SOX5: variants seen among roughly 807,000 people sequenced by gnomAD.
SOX5 encodes SRY-box transcription factor 5.
SOX5 carries 9 observed loss-of-function variants against 92.0 expected under a neutral mutation model. The observed-to-expected ratio is 0.10, with a 90% CI of 0.06 to 0.17. The LOEUF is 0.17. SOX5 is among the 10% of genes least tolerant of loss of function. The pLI is 1.00. For synonymous variants in SOX5, 344 were observed against 336.3 expected, an observed-to-expected ratio of 1.02 and a Z score of -0.25; for missense variants, 642 against 944.5, an observed-to-expected ratio of 0.68 and a Z score of 4.20.
At chr12:23,990,087 G>C (rs1950426997) in intron 4 of SOX5, among the ~76,000 whole-genome samples, 1 of 151,626 alleles carries the variant, frequency 6.6e-6, no homozygotes, top group Non-Finnish European at 1.5e-5. Context: ...AAGAGGGAGG[G>C]AGTGAAGATA....
intron 3 of SOX5, among the ~76,000 whole-genome samples, chr12:23,838,076 T>C (rs1357003513): frequency 7.3e-6 from 1 of 136,094 alleles, no homozygotes; most frequent in African/African-American, 2.7e-5. Flanking sequence ...ATATTATATT[T>C]ATATTTATAT....
At chr12:23,779,788 A>AATATATATATATATATAT (rs1172787679) in intron 3 of SOX5, among the ~76,000 whole-genome samples, 2 of 110,558 alleles carry the variant, frequency 1.8e-5, no homozygotes, top group African/African-American at 7.5e-5. Context: ...CACAGATTAA[A>AATATATATATATATATAT]ATATATATAT....
intron 1 of SOX5, among the ~76,000 whole-genome samples, chr12:24,474,050 T>A (rs1432039251): frequency 2.0e-5 from 3 of 152,166 alleles, no homozygotes; most frequent in African/African-American, 4.8e-5. Flanking sequence ...ACATAAAACA[T>A]AAACATGGTT....
intron 1 of SOX5, among the ~76,000 whole-genome samples, chr12:24,475,398 A>G (rs138091111): frequency 5.9e-5 from 9 of 152,300 alleles, no homozygotes; most frequent in African/African-American, 1.9e-4. Flanking sequence ...TGTACTGTTC[A>G]TCTTTGCATC....
rs956344488 is a variant in SOX5, at chr12:24,266,064, G to A, written c.-77+11152C>T. ...TGTGTGTGTGTGTGTGTGTGTGTGT[G>A]TGTGTGTGTGTGTGTGTGTGTTTTA... On this transcript the variant is annotated intron_variant, in intron 3 of 4. Coordinates refer to the SOX5 transcript ENST00000446891. Among the ~76,000 whole-genome samples the A allele has an allele frequency of 2.0e-3, 308 of 150,692 alleles. 4 individuals are homozygous for A. The highest frequency in any genetic ancestry group is 7.9e-3 in the East Asian group (40 of 5,092).
chr12:24,161,986 G>C (rs1250688524), intron 4 of SOX5, among the ~76,000 whole-genome samples: 1 of 152,026 alleles, frequency 6.6e-6, no homozygotes, highest in Non-Finnish European at 1.5e-5. Flanking sequence ...AAATTTAATA[G>C]AAATCATTGG....
intron 4 of SOX5, among the ~76,000 whole-genome samples, chr12:24,157,114 T>A (rs1256683664): frequency 6.6e-6 from 1 of 152,146 alleles, no homozygotes; most frequent in Non-Finnish European, 1.5e-5. Flanking sequence ...TAGTAGAGTT[T>A]CATTTTGACT....
At chr12:23,961,255 A>G (rs182598790) in intron 4 of SOX5, among the ~76,000 whole-genome samples, 4 of 152,284 alleles carry the variant, frequency 2.6e-5, no homozygotes, top group Admixed American at 2.6e-4. Flanking sequence ...CAAACACCCT[A>G]TTGAATATAC....
chr12:24,555,658 C>A (rs1275178897), intron 1 of SOX5, among the ~76,000 whole-genome samples: 1 of 152,114 alleles, frequency 6.6e-6, no homozygotes, highest in Admixed American at 6.5e-5. Context: ...TGCCATTACA[C>A]TCATTTTGCA....
intron 9 of SOX5, among the ~76,000 whole-genome samples, chr12:23,594,253 C>T (rs952712341): frequency 2.0e-5 from 3 of 151,958 alleles, no homozygotes; most frequent in Admixed American, 6.6e-5. Flanking sequence ...ACTCCTGGTC[C>T]GTACTTGCTG....
intron 4 of SOX5, among the ~76,000 whole-genome samples, chr12:23,993,950 T>A (rs2136289741): frequency 6.6e-6 from 1 of 152,038 alleles, no homozygotes; most frequent in South Asian, 2.1e-4. Context: ...TTTGTATGTA[T>A]ACATAAATAA....
At chr12:24,429,995 A>T (rs1459972249) in intron 1 of SOX5, among the ~76,000 whole-genome samples, 1 of 152,208 alleles carries the variant, frequency 6.6e-6, no homozygotes, top group Non-Finnish European at 1.5e-5. Flanking sequence ...TTATTCCAAA[A>T]GGCAAATCTA....
At position 23,529,604 on chromosome 12, in the gene SOX5, G is replaced by A. The variant is rs774873990; in HGVS notation, c.*4615C>T. ...AATAAAATAAACAAAAAACAAAAACGAAAAACAGGTTGGTGGCAACCCACA... is the reference window on the plus strand; with the variant it reads ...AATAAAATAAACAAAAAACAAAAACAAAAAACAGGTTGGTGGCAACCCACA... On this transcript the variant is annotated 3_prime_UTR_variant, in exon 15 of 15. Coordinates refer to ENST00000451604, the MANE Select transcript of SOX5 (RefSeq NM_006940.6). 2.6e-5 allele frequency: 4 copies of A among 151,804 alleles called. No individual in the cohort carries two copies. Among genetic ancestry groups the A allele is most frequent in the Non-Finnish European group, 4.4e-5 (3 of 67,926 alleles). 9.4% of individuals were successfully genotyped at this position (151,804 alleles called of 1,614,324 possible).
intron 4 of SOX5, among the ~76,000 whole-genome samples, chr12:24,010,360 T>C (rs902107126): frequency 6.6e-6 from 1 of 152,154 alleles, no homozygotes; most frequent in African/African-American, 2.4e-5. Flanking sequence ...TGAATGAATA[T>C]GTGTGTATGG....
At chr12:24,076,048 T>C (rs1046800091) in intron 4 of SOX5, among the ~76,000 whole-genome samples, 9 of 152,178 alleles carry the variant, frequency 5.9e-5, no homozygotes, top group Admixed American at 3.3e-4. Context: ...TTTCGCCCCA[T>C]TGGTTTACTT....
intron 6 of SOX5, among the ~76,000 whole-genome samples, chr12:23,723,174 G>T (rs1014134541): frequency 6.6e-6 from 1 of 151,246 alleles, no homozygotes; most frequent in African/African-American, 2.4e-5. Flanking sequence ...CCTTTCTTTG[G>T]GCTTGTTTAT....
intron 1 of SOX5, among the ~76,000 whole-genome samples, chr12:24,381,630 G>T (rs1957835218): frequency 6.6e-6 from 1 of 152,162 alleles, no homozygotes; most frequent in Non-Finnish European, 1.5e-5. Context: ...TTTAGAAATT[G>T]CCCTTCTACG....
intron 4 of SOX5, among the ~76,000 whole-genome samples, chr12:24,146,825 A>T (rs146978367): frequency 6.6e-6 from 1 of 151,964 alleles, no homozygotes; most frequent in East Asian, 1.9e-4. Context: ...AGATGTTAAA[A>T]TTTTAATAAG....
At chr12:23,884,341 A>G (rs937480361) in intron 2 of SOX5, among the ~76,000 whole-genome samples, 14 of 152,226 alleles carry the variant, frequency 9.2e-5, no homozygotes, top group African/African-American at 3.4e-4. Context: ...CTAATACCCT[A>G]TGCCAACTCT....
Sources: gnomAD v4.1 joint callset for allele counts (sites outside exome capture counted in the v4.1 genomes callset) on GRCh38, gnomAD v4.1.1 for gene constraint, MANE v1.5 for transcripts, NCBI Gene and HGNC (gene_info 2026-07-23, HGNC 2026-07-21) for gene names.